Variants in SPECC1 observed in about 807,000 individuals in gnomAD.
The protein encoded by SPECC1 is cytospin-B.
A neutral mutation model predicts 104.1 loss-of-function variants in SPECC1; 62 were observed. The ratio of observed to expected loss-of-function variants is 0.60; its 90% CI spans 0.49 to 0.74. The LOEUF (loss-of-function observed/expected upper bound fraction) is 0.74, where lower values mean the gene tolerates loss of function less well. Ranked by LOEUF, SPECC1 falls within the 30% of genes least tolerant of loss-of-function variation. The probability of loss-of-function intolerance (pLI) is 0.00; values close to 1 mark genes in which losing one functional copy is unlikely to be tolerated. For synonymous variants in SPECC1, 513 were observed against 501.6 expected, an observed-to-expected ratio of 1.02 and a Z score of -0.30; for missense variants, 1,306 against 1,310.5, an observed-to-expected ratio of 1.00 and a Z score of 0.05.
At chr17:20,240,993 A>G (rs887354895) in intron 7 of SPECC1, among the ~76,000 whole-genome samples, 4 of 152,196 alleles carry the variant, frequency 2.6e-5, no homozygotes, top group African/African-American at 9.7e-5. Context: ...GCTGAAGCAG[A>G]TCCAGGTGTG....
At chr17:20,183,221 G>T (rs1229006618) in intron 3 of SPECC1, among the ~76,000 whole-genome samples, 1 of 152,146 alleles carries the variant, frequency 6.6e-6, no homozygotes, top group East Asian at 1.9e-4. Flanking sequence ...TCCAGTGGTG[G>T]TAAGTGTACA....
Position 20,310,575 on chromosome 17 carries a change from C to T in SPECC1, c.3118-3401C>T, listed in dbSNP as rs140715260. Among the ~76,000 whole-genome samples the T allele has an allele frequency of 8.1e-3, 1,227 of 152,292 alleles. 20 individuals are homozygous for T. Among genetic ancestry groups the T allele is most frequent in the African/African-American group, 0.027 (1,128 of 41,550 alleles). On this transcript the variant is annotated intron_variant, in intron 14 of 14. Transcript: ENST00000395527. ...GCAACTCCCCAGAAAAGGAATTAGG[C>T]GAGGGACGATATGTGATGTCACTGT...
At chr17:20,065,972 A>G (rs1303974625) in intron 1 of SPECC1, among the ~76,000 whole-genome samples, 4 of 152,238 alleles carry the variant, frequency 2.6e-5, no homozygotes, top group African/African-American at 9.6e-5. Flanking sequence ...ATAATTTGTT[A>G]TCTATATCTA....
intron 1 of SPECC1, among the ~76,000 whole-genome samples, chr17:20,035,056 C>T (rs927115973): frequency 5.9e-5 from 9 of 152,134 alleles, no homozygotes; most frequent in South Asian, 2.1e-4. Context: ...TATCTTCCCC[C>T]GTTGAAGTGT....
chr17:20,193,018 A>G (rs2035773437), intron 3 of SPECC1, among the ~76,000 whole-genome samples: 3 of 152,214 alleles, frequency 2.0e-5, no homozygotes, highest in South Asian at 2.1e-4. Context: ...TCCATAGAGC[A>G]GCCCTGAGGG....
At chr17:20,101,159 A>G (rs1335452206) in intron 2 of SPECC1, among the ~76,000 whole-genome samples, 1 of 152,158 alleles carries the variant, frequency 6.6e-6, no homozygotes, top group Non-Finnish European at 1.5e-5. Context: ...GGAATGATTT[A>G]TATTCCGTTG....
chr17:20,245,373 A>G (rs1307300075), intron 7 of SPECC1, among the ~76,000 whole-genome samples: 1 of 152,130 alleles, frequency 6.6e-6, no homozygotes, highest in African/African-American at 2.4e-5. Context: ...CTGTCTACAT[A>G]GTGAATGCCC....
intron 12 of SPECC1, among the ~76,000 whole-genome samples, chr17:20,272,834 A>G (rs2040451916): frequency 6.6e-6 from 1 of 152,198 alleles, no homozygotes; most frequent in South Asian, 2.1e-4. Context: ...TGTTTCACAG[A>G]TACAATGTTA....
intron 3 of SPECC1, among the ~76,000 whole-genome samples, chr17:20,195,541 A>G (rs2035973544): frequency 6.9e-6 from 1 of 145,894 alleles, no homozygotes. Context: ...GTATTAGTGC[A>G]TTATAGATAT....
intron 13 of SPECC1, among the ~76,000 whole-genome samples, chr17:20,300,989 T>C (rs2041557839): frequency 6.6e-6 from 1 of 152,132 alleles, no homozygotes; most frequent in Non-Finnish European, 1.5e-5. Context: ...CGTTTGCCAC[T>C]CTCTGAAGGA....
intron 4 of SPECC1, among the ~76,000 whole-genome samples, chr17:20,216,595 C>A (rs747736372): frequency 6.6e-6 from 1 of 152,082 alleles, no homozygotes; most frequent in Non-Finnish European, 1.5e-5. Context: ...CCTGCTTATC[C>A]TCTGGGCCCT....
intron 2 of SPECC1, among the ~76,000 whole-genome samples, chr17:20,110,169 C>T (rs2048413903): frequency 6.6e-6 from 1 of 152,154 alleles, no homozygotes; most frequent in South Asian, 2.1e-4. Flanking sequence ...TGAAGTGTGA[C>T]CTGATGGTAT....
intron 13 of SPECC1, 156 bp from the exon 14 acceptor site, chr17:20,305,867 T>TTTTTTTA: frequency 1.7e-6 from 1 of 581,612 alleles, no homozygotes; most frequent in South Asian, 3.3e-5. Flanking sequence ...GATTTTTTTT[T>TTTTTTTA]TTCTTAAACT....
At chr17:20,068,943 G>A (rs1401227235) in intron 1 of SPECC1, among the ~76,000 whole-genome samples, 6 of 152,012 alleles carry the variant, frequency 3.9e-5, no homozygotes, top group Non-Finnish European at 7.4e-5. Context: ...CTCCCATTCT[G>A]TGGGTTATCT....
intron 3 of SPECC1, among the ~76,000 whole-genome samples, chr17:20,180,390 AAG>A (rs2151223279): frequency 6.6e-6 from 1 of 152,362 alleles, no homozygotes; most frequent in East Asian, 1.9e-4. Flanking sequence ...GAACAGGACT[AAG>A]AGGTACTATA....
intron 1 of SPECC1, among the ~76,000 whole-genome samples, chr17:20,020,598 C>G (rs549136168): frequency 6.6e-6 from 1 of 152,318 alleles, no homozygotes; most frequent in South Asian, 2.1e-4. Flanking sequence ...TCCCAAAGTG[C>G]TGGGATTACA....
chr17:20,015,803 C>T (rs1184909137), intron 1 of SPECC1, among the ~76,000 whole-genome samples: 2 of 150,072 alleles, frequency 1.3e-5, no homozygotes, highest in Non-Finnish European at 3.0e-5. Flanking sequence ...CCAGGATGAT[C>T]TCGATCTCCT....
At chr17:20,166,650 A>T (rs920977138) in intron 3 of SPECC1, among the ~76,000 whole-genome samples, 1 of 152,218 alleles carries the variant, frequency 6.6e-6, no homozygotes, top group African/African-American at 2.4e-5. Flanking sequence ...AAGAAACAAC[A>T]AAAGAAATCT....
chr17:20,115,501 A>T (rs999072379), intron 3 of SPECC1, among the ~76,000 whole-genome samples: 16 of 151,854 alleles, frequency 1.1e-4, no homozygotes, highest in East Asian at 7.7e-4. Context: ...AAATAAAAAT[A>T]AAAAAAATTG....
Sources: allele counts gnomAD v4.1 joint callset (sites outside exome capture counted in the v4.1 genomes callset), GRCh38; gene constraint gnomAD v4.1.1; transcripts MANE v1.5; gene names NCBI Gene and HGNC (gene_info 2026-07-23, HGNC 2026-07-21).